The following TMEM170B variants were observed in gnomAD, a reference collection of about 807,000 sequenced individuals.
TMEM170B encodes the protein transmembrane protein 170B.
A neutral mutation model predicts 13.0 loss-of-function variants in TMEM170B; 6 were observed. That is an observed-to-expected ratio of 0.46 (90% CI 0.25 to 0.91). The LOEUF is 0.91. Among genes scored for constraint, TMEM170B ranks in the 40% least tolerant of loss-of-function variants. TMEM170B has a pLI of 0.17. For missense variants in TMEM170B, 138 were observed against 165.2 expected, an observed-to-expected ratio of 0.84 and a Z score of 0.90; for synonymous variants, 61 against 64.9, an observed-to-expected ratio of 0.94 and a Z score of 0.29.
intron 1 of TMEM170B, among the ~76,000 whole-genome samples, chr6:11,558,379 C>T (rs1413039046): frequency 1.3e-5 from 2 of 152,098 alleles, no homozygotes; most frequent in African/African-American, 4.8e-5. Flanking sequence ...ATTTCATATT[C>T]TCTATTATAT....
chr6:11,547,402 G>A (rs1289847661), intron 1 of TMEM170B, among the ~76,000 whole-genome samples: 1 of 151,596 alleles, frequency 6.6e-6, no homozygotes, highest in Non-Finnish European at 1.5e-5. Flanking sequence ...TATAGGAGGT[G>A]AGCTTAAGTA....
chr6:11,572,052 A>G (rs1265959261), intron 2 of TMEM170B, among the ~76,000 whole-genome samples: 2 of 152,240 alleles, frequency 1.3e-5, no homozygotes, highest in Non-Finnish European at 2.9e-5. Flanking sequence ...CTCTGAGGAT[A>G]TGGAGTAACT....
intron 1 of TMEM170B, among the ~76,000 whole-genome samples, chr6:11,558,697 G>C (rs933680463): frequency 2.0e-5 from 3 of 152,158 alleles, no homozygotes; most frequent in Non-Finnish European, 2.9e-5. Context: ...GTGTGGCGAT[G>C]ACTCTTCTTG....
chr6:11,572,987 T>C (rs1290635025), intron 2 of TMEM170B, among the ~76,000 whole-genome samples: 1 of 152,200 alleles, frequency 6.6e-6, no homozygotes, highest in Non-Finnish European at 1.5e-5. Flanking sequence ...CTCCAACTGA[T>C]GGTGGACATT....
intron 1 of TMEM170B, among the ~76,000 whole-genome samples, chr6:11,545,332 G>A (rs1024740449): frequency 1.5e-5 from 2 of 136,450 alleles, no homozygotes; most frequent in Admixed American, 1.5e-4. Context: ...GTAAGTAGTA[G>A]TAGTAGTAGT....
intron 1 of TMEM170B, among the ~76,000 whole-genome samples, chr6:11,546,900 T>C (rs75189658): frequency 2.4e-4 from 37 of 152,364 alleles, no homozygotes; most frequent in Middle Eastern, 6.8e-3. Context: ...TTCCTACACA[T>C]GCATACCTGT....
intron 1 of TMEM170B, 112 bp downstream of exon 1, chr6:11,538,486 T>A: frequency 1.2e-6 from 1 of 802,188 alleles, no homozygotes; most frequent in Non-Finnish European, 1.9e-6. Context: ...CGCGCCCCGC[T>A]CGGAGCTCCA....
At position 11,578,667 on chromosome 6, in the gene TMEM170B, T is replaced by C. The variant is rs1245529009; in HGVS notation, c.*3106T>C. 1 of 152,218 alleles carries C rather than the reference T, an allele frequency of 6.6e-6. No homozygotes were observed. Among genetic ancestry groups the C allele is most frequent in the African/African-American group, 2.4e-5 (1 of 41,462 alleles). 9.4% of individuals were successfully genotyped at this position (152,218 alleles called of 1,614,324 possible). ...AGCAGAATTATTCTTTAGATCTTAA[T>C]GTTTACCAAACAGTGTTACAGTTTG... is the stretch of plus-strand genomic sequence containing the variant. On this transcript the variant is annotated 3_prime_UTR_variant, in exon 3 of 3. Coordinates refer to ENST00000379426, the MANE Select transcript of TMEM170B (RefSeq NM_001100829.3).
intron 1 of TMEM170B, among the ~76,000 whole-genome samples, chr6:11,553,741 T>C (rs1445356015): frequency 6.6e-6 from 1 of 152,236 alleles, no homozygotes; most frequent in African/African-American, 2.4e-5. Context: ...CTTTAATCTT[T>C]CAAGTTAAGC....
In TMEM170B at chr6:11,580,856, G is replaced by A. The variant is rs988058893; in HGVS notation, c.*5295G>A. On this transcript the variant is annotated 3_prime_UTR_variant, in exon 3 of 3. Coordinates refer to ENST00000379426, the MANE Select transcript of TMEM170B (RefSeq NM_001100829.3). ...TATACTGCATGTTTACACATGCTGT[G>A]TTTCTTTATATGTGAGGCTTCACTG... 1 of 152,176 alleles carries A rather than the reference G, an allele frequency of 6.6e-6. No individual in the cohort carries two copies. The highest frequency in any genetic ancestry group is 1.5e-5 in the Non-Finnish European group (1 of 68,028). The allele number at this position is 152,176 out of a possible 1,614,324, so 9.4% of individuals were successfully genotyped here. A position where few individuals can be genotyped will look rare whatever the true frequency, so the allele number is the denominator to read the frequency against.
At chr6:11,541,867 G>A (rs2113760261) in intron 1 of TMEM170B, among the ~76,000 whole-genome samples, 1 of 152,220 alleles carries the variant, frequency 6.6e-6, no homozygotes, top group East Asian at 1.9e-4. Context: ...CAGGGAATAG[G>A]GAAACCCGAG....
At position 11,538,206 on chromosome 6, in the gene TMEM170B, G is replaced by GC. The variant is rs1303079497; in HGVS notation, c.-66dup. On this transcript the variant is annotated 5_prime_UTR_variant, in exon 1 of 3. Transcript: ENST00000379426. ...CTGGAGGAGCCGCGCACCCGCCGCCGCCCCCCGAGCCTCGCAGCCGCCGCC... is the reference window on the plus strand; with the variant it reads ...CTGGAGGAGCCGCGCACCCGCCGCCGCCCCCCCGAGCCTCGCAGCCGCCGCC... 3 of 705,416 alleles carry GC rather than the reference G, an allele frequency of 4.3e-6. No homozygotes were observed. Among genetic ancestry groups the GC allele is most frequent in the Non-Finnish European group, 5.5e-6 (3 of 540,624 alleles). The allele number at this position is 705,416 out of a possible 1,614,324, so 43.7% of individuals were successfully genotyped here.
intron 2 of TMEM170B, among the ~76,000 whole-genome samples, chr6:11,570,611 C>T (rs960292630): frequency 1.3e-5 from 2 of 151,846 alleles, no homozygotes; most frequent in Admixed American, 6.6e-5. Context: ...TATTAAAAAC[C>T]CTTCTTCCAA....
At chr6:11,550,363 G>T (rs984165930) in intron 1 of TMEM170B, among the ~76,000 whole-genome samples, 1 of 151,846 alleles carries the variant, frequency 6.6e-6, no homozygotes, top group South Asian at 2.1e-4. Context: ...AGTAGAGATG[G>T]GGTTTCACCA....
chr6:11,562,357 C>T (rs988978623), intron 1 of TMEM170B, among the ~76,000 whole-genome samples: 1 of 150,208 alleles, frequency 6.7e-6, no homozygotes, highest in Non-Finnish European at 1.5e-5. Context: ...AAGAGAAAAG[C>T]CTCTAAAAGG....
intron 1 of TMEM170B, among the ~76,000 whole-genome samples, chr6:11,547,583 A>T (rs973836489): frequency 6.6e-6 from 1 of 152,168 alleles, no homozygotes; most frequent in African/African-American, 2.4e-5. Flanking sequence ...TGCCAGTATG[A>T]TATGGCCTTC....
At position 11,575,565 on chromosome 6, in the gene TMEM170B, T is replaced by G; in HGVS notation, c.*4T>G. 1 of 1,612,710 alleles carries G rather than the reference T, an allele frequency of 6.2e-7. No homozygotes were observed. Among genetic ancestry groups the G allele is most frequent in the Non-Finnish European group, 8.5e-7 (1 of 1,179,188 alleles). On this transcript the variant is annotated 3_prime_UTR_variant, in exon 3 of 3. Coordinates refer to ENST00000379426, the MANE Select transcript of TMEM170B (RefSeq NM_001100829.3). The surrounding 1 kb of genome is among the most constrained non-coding windows in gnomAD (Gnocchi z 4.1). ...AAGGATCCTCGCTACACTTTGAGGT[T>G]TCTGTGGGAATGTCTTACTTCACAT...
rs981093821 is a variant in TMEM170B, at chr6:11,583,139, T to A, written c.*7578T>A. The stretch of plus-strand genomic sequence containing the variant: ...TTAGCCTAGAGATGTTGATCTTTAT[T>A]TTAAATTATTTTTCACCATTCTCAT... On this transcript the variant is annotated 3_prime_UTR_variant, in exon 3 of 3. Transcript: ENST00000379426. The A allele has an allele frequency of 2.0e-5, 3 of 152,232 alleles. No homozygotes were observed. The highest frequency in any genetic ancestry group is 7.2e-5 in the African/African-American group (3 of 41,472). 9.4% of individuals were successfully genotyped at this position (152,232 alleles called of 1,614,324 possible). A position where few individuals can be genotyped will look rare whatever the true frequency, so the allele number is the denominator to read the frequency against.
intron 2 of TMEM170B, among the ~76,000 whole-genome samples, chr6:11,568,480 G>A (rs1050046719): frequency 1.3e-5 from 2 of 152,160 alleles, no homozygotes; most frequent in Non-Finnish European, 2.9e-5. Flanking sequence ...AGTTTAAAGA[G>A]AGCATGAGAA....
Sources: allele counts gnomAD v4.1 joint callset (sites outside exome capture counted in the v4.1 genomes callset), GRCh38; gene constraint gnomAD v4.1.1; non-coding constraint Gnocchi (gnomAD v3.1); transcripts MANE v1.5; gene names NCBI Gene and HGNC (gene_info 2026-07-23, HGNC 2026-07-21).